CACNA2D3: variants seen among roughly 807,000 people sequenced by gnomAD.
CACNA2D3 encodes calcium voltage-gated channel auxiliary subunit alpha2delta 3.
In CACNA2D3, 60 loss-of-function variants were observed where a neutral mutation model predicts 160.6. That is an observed-to-expected ratio of 0.37 (90% CI 0.30 to 0.46). The LOEUF (loss-of-function observed/expected upper bound fraction) is 0.46, where lower values mean the gene tolerates loss of function less well. Among genes scored for constraint, CACNA2D3 ranks in the 20% least tolerant of loss-of-function variants. The pLI is 1.00. For synonymous variants in CACNA2D3, 558 were observed against 492.9 expected, an observed-to-expected ratio of 1.13 and a Z score of -1.75; for missense variants, 1,205 against 1,365.0, an observed-to-expected ratio of 0.88 and a Z score of 1.85.
intron 27 of CACNA2D3, among the ~76,000 whole-genome samples, chr3:54,910,055 C>T (rs1254095903): frequency 6.6e-6 from 1 of 152,084 alleles, no homozygotes; most frequent in Non-Finnish European, 1.5e-5. Context: ...TTGCACTTAC[C>T]AAGAACTCCT....
At chr3:54,387,264 C>G (rs747142160) in intron 4 of CACNA2D3, among the ~76,000 whole-genome samples, 5 of 152,168 alleles carry the variant, frequency 3.3e-5, no homozygotes, top group Non-Finnish European at 5.9e-5. Context: ...AGATCTTGTA[C>G]CTGATCCTGA....
At chr3:54,438,977 G>T (rs1700100603) in intron 4 of CACNA2D3, among the ~76,000 whole-genome samples, 1 of 152,180 alleles carries the variant, frequency 6.6e-6, no homozygotes, top group Non-Finnish European at 1.5e-5. Flanking sequence ...AAGGTATGTG[G>T]GAATACAAGT....
chr3:54,442,754 A>G (rs1178033232), intron 4 of CACNA2D3, among the ~76,000 whole-genome samples: 3 of 152,142 alleles, frequency 2.0e-5, no homozygotes, highest in East Asian at 3.9e-4. Flanking sequence ...TCAACCATCT[A>G]GGTGTCCATT....
intron 27 of CACNA2D3, among the ~76,000 whole-genome samples, chr3:54,953,617 T>A (rs1460276078): frequency 6.6e-6 from 1 of 152,206 alleles, no homozygotes; most frequent in African/African-American, 2.4e-5. Flanking sequence ...TCCTTTCTAT[T>A]TTAAAGACTT....
At chr3:54,131,822 C>G (rs917314541) in intron 2 of CACNA2D3, among the ~76,000 whole-genome samples, 2 of 152,058 alleles carry the variant, frequency 1.3e-5, no homozygotes, top group African/African-American at 2.4e-5. Flanking sequence ...AAGTGGGCAG[C>G]TGTAAGACTA....
intron 11 of CACNA2D3, among the ~76,000 whole-genome samples, chr3:54,708,117 G>A (rs1700889491): frequency 6.6e-6 from 1 of 152,134 alleles, no homozygotes; most frequent in Non-Finnish European, 1.5e-5. Flanking sequence ...ATAATTTAAA[G>A]AACTCAGGGG....
intron 31 of CACNA2D3, among the ~76,000 whole-genome samples, chr3:54,988,134 A>G (rs1342099557): frequency 6.6e-6 from 1 of 152,220 alleles, no homozygotes; most frequent in Non-Finnish European, 1.5e-5. Context: ...GAAGCTCCCT[A>G]GAAATCTGGA....
At chr3:54,521,046 C>T (rs1016007547) in intron 5 of CACNA2D3, among the ~76,000 whole-genome samples, 11 of 151,862 alleles carry the variant, frequency 7.2e-5, no homozygotes, top group African/African-American at 2.7e-4. Flanking sequence ...AACTTTTTGT[C>T]TATTATGAAT....
At chr3:55,025,838 T>C (rs557408402) in intron 35 of CACNA2D3, among the ~76,000 whole-genome samples, 2 of 152,100 alleles carry the variant, frequency 1.3e-5, no homozygotes, top group Non-Finnish European at 2.9e-5. Context: ...TTCCAAGCTT[T>C]ATTTCAAGAC....
intron 4 of CACNA2D3, among the ~76,000 whole-genome samples, chr3:54,427,929 A>G (rs147303838): frequency 1.3e-5 from 2 of 152,214 alleles, no homozygotes; most frequent in African/African-American, 4.8e-5. Context: ...GAGATTCTGC[A>G]GGGAAGTTAA....
At position 54,854,714 on chromosome 3, in the gene CACNA2D3, G is replaced by A. The variant is rs1312899560; in HGVS notation, c.1626+8247G>A. Reference sequence around the variant, plus strand: ...GTGCGTGGAGTGCTCACCACAGAGGGGTTGACTGTGTGTGAAGATTCTCTA... The same window carrying A: ...GTGCGTGGAGTGCTCACCACAGAGGAGTTGACTGTGTGTGAAGATTCTCTA... On this transcript the variant is annotated intron_variant, in intron 17 of 37. Coordinates refer to ENST00000474759, the MANE Select transcript of CACNA2D3 (RefSeq NM_018398.3). Among the ~76,000 whole-genome samples the A allele has an allele frequency of 2.0e-5, 3 of 152,118 alleles. No individual in the cohort carries two copies. In the East Asian group the frequency reaches 5.8e-4, roughly 30 times the overall value.
At chr3:54,790,464 C>T (rs1235813675) in intron 13 of CACNA2D3, among the ~76,000 whole-genome samples, 1 of 152,138 alleles carries the variant, frequency 6.6e-6, no homozygotes, top group Non-Finnish European at 1.5e-5. Context: ...GAGTATAACA[C>T]AATGGGGGTA....
At chr3:54,703,059 A>G (rs377745919) in intron 11 of CACNA2D3, among the ~76,000 whole-genome samples, 1 of 152,162 alleles carries the variant, frequency 6.6e-6, no homozygotes, top group African/African-American at 2.4e-5. Context: ...GGGGAACGAT[A>G]GACACCGGGG....
intron 13 of CACNA2D3, among the ~76,000 whole-genome samples, chr3:54,795,456 G>A (rs1197417820): frequency 2.0e-5 from 3 of 152,080 alleles, no homozygotes; most frequent in Non-Finnish European, 4.4e-5. Context: ...CAGATAATGA[G>A]CATAATGACA....
At chr3:54,380,364 G>A (rs1489599188) in intron 3 of CACNA2D3, among the ~76,000 whole-genome samples, 1 of 152,206 alleles carries the variant, frequency 6.6e-6, no homozygotes, top group Non-Finnish European at 1.5e-5. Flanking sequence ...TTCAAGCCCT[G>A]CTGTGTAACA....
intron 2 of CACNA2D3, among the ~76,000 whole-genome samples, chr3:54,243,848 G>A (rs1417932287): frequency 2.0e-5 from 3 of 152,176 alleles, no homozygotes; most frequent in Non-Finnish European, 4.4e-5. Context: ...CTCTGAGTGG[G>A]TAATGACACC....
At chr3:54,927,844 G>GA in intron 27 of CACNA2D3, 1 of 1,571,780 alleles carries the variant, frequency 6.4e-7, no homozygotes, top group Admixed American at 1.7e-5. Flanking sequence ...ATACCTTTGT[G>GA]AGGGGATACC....
At chr3:54,368,846 C>T (rs1351316568) in intron 3 of CACNA2D3, among the ~76,000 whole-genome samples, 2 of 151,576 alleles carry the variant, frequency 1.3e-5, no homozygotes, top group Middle Eastern at 3.4e-3. Context: ...GGACTATAGG[C>T]GCTTGCCACC....
chr3:54,802,154 G>A (rs983221676), intron 13 of CACNA2D3, among the ~76,000 whole-genome samples: 1 of 152,060 alleles, frequency 6.6e-6, no homozygotes, highest in Non-Finnish European at 1.5e-5. Context: ...AATAGCAAGG[G>A]GTTAGCTGAA....
Sources: allele counts gnomAD v4.1 joint callset (sites outside exome capture counted in the v4.1 genomes callset), GRCh38; gene constraint gnomAD v4.1.1; transcripts MANE v1.5; gene names NCBI Gene and HGNC (gene_info 2026-07-23, HGNC 2026-07-21).